DNAJB13: variants seen among roughly 807,000 people sequenced by gnomAD.
The protein encoded by DNAJB13 is dnaJ homolog subfamily B member 13.
Under a neutral mutation model 35.6 loss-of-function variants are expected in DNAJB13, and 22 were observed. The observed-to-expected ratio is 0.62, with a 90% CI of 0.44 to 0.88. The LOEUF is 0.88. DNAJB13 is among the 40% of genes least tolerant of loss of function. DNAJB13 has a pLI of 0.00. For missense variants in DNAJB13, 370 were observed against 384.3 expected (o/e 0.96, Z 0.31); for synonymous variants, 136 against 144.2 (o/e 0.94, Z 0.41).
chr11:73,968,119 T>G, intron 5 of DNAJB13: 1 of 519,362 alleles, frequency 1.9e-6, no homozygotes, highest in South Asian at 3.3e-5. Flanking sequence ...GTGTCTATTT[T>G]GGGCATGCTC....
Position 73,965,047 on chromosome 11 carries a change from G to A in DNAJB13, c.492+12G>A. 1 of 1,552,766 alleles carries A rather than the reference G, an allele frequency of 6.4e-7. No homozygotes were observed. Among genetic ancestry groups the A allele is most frequent in the Non-Finnish European group, 8.7e-7 (1 of 1,151,514 alleles). ...AGATCTCCAGAAGGGTGAGTACTCA[G>A]CTTGCTCCTCCCGGGAGCCACCTAT... is the stretch of plus-strand genomic sequence containing the variant. On this transcript the variant is annotated intron_variant, in intron 4 of 7. Coordinates refer to ENST00000339764, the MANE Select transcript of DNAJB13 (RefSeq NM_153614.4).
At chr11:73,958,133 A>G (rs755778388) in intron 1 of DNAJB13, among the ~76,000 whole-genome samples, 184 bp from the exon 2 acceptor site, 25 of 152,188 alleles carry the variant, frequency 1.6e-4, no homozygotes, top group East Asian at 7.7e-4. Context: ...CTGTCGGTCA[A>G]CTGTGCTCCC....
At chr11:73,951,899 G>A (rs569505853) in intron 1 of DNAJB13, among the ~76,000 whole-genome samples, 13 of 152,240 alleles carry the variant, frequency 8.5e-5, no homozygotes, top group Admixed American at 3.9e-4. Context: ...ACCCGCCTCA[G>A]CCTTCCCAAG....
chr11:73,965,911 T>A (rs1951101647), intron 4 of DNAJB13: 2 of 529,236 alleles, frequency 3.8e-6, no homozygotes, highest in Admixed American at 6.3e-5. Context: ...AATCATAAGT[T>A]CTTGGTTGTC....
rs538964929 is a variant in DNAJB13, at chr11:73,970,082, A to C, written c.919A>C (p.Lys307Gln). ...CCCCACCCGCCTCACACCCCAGAAG[A>C]AGCAGATGCTGCGCCAGGCATTGCT... Reference protein sequence around the residue: ...QFPTRLTPQKKQMLRQALLT With the variant: ...QFPTRLTPQKQQMLRQALLT The change falls in exon 8 of 8, where the codon AAG (lysine) becomes CAG (glutamine). Residue 307 changes from lysine to glutamine, a missense_variant. Transcript: ENST00000339764. 2.5e-4 allele frequency: 407 copies of C among 1,609,716 alleles called. 4 individuals carry two copies. The South Asian group carries it at 3.6e-3, about 14-fold the overall frequency.
chr11:73,954,883 G>A (rs1390279767), intron 1 of DNAJB13, among the ~76,000 whole-genome samples: 6 of 152,008 alleles, frequency 3.9e-5, no homozygotes, highest in Non-Finnish European at 8.8e-5. Flanking sequence ...CCTGGGAGGT[G>A]GAGGTTGCAG....
At chr11:73,959,709 G>C in intron 3 of DNAJB13, 54 bp downstream of exon 3, 3 of 1,459,278 alleles carry the variant, frequency 2.1e-6, no homozygotes, top group South Asian at 1.5e-5. Context: ...ACTGCTATAA[G>C]TGATGTTTTC....
chr11:73,961,620 C>T (rs919318975), intron 3 of DNAJB13, among the ~76,000 whole-genome samples: 1 of 152,236 alleles, frequency 6.6e-6, no homozygotes, highest in Non-Finnish European at 1.5e-5. Flanking sequence ...CCGCCTTCTT[C>T]CTGCCTCCCA....
chr11:73,963,848 G>A (rs530924378), intron 3 of DNAJB13: 1 of 152,220 alleles, frequency 6.6e-6, no homozygotes, highest in South Asian at 2.1e-4. Flanking sequence ...AGCGCCCCTC[G>A]AGTTTACAGC....
rs1554989362 is a variant in DNAJB13, at chr11:73,954,640, AAT to A, written c.68+3505_68+3506del. On this transcript the variant is annotated intron_variant, in intron 1 of 7. Transcript: ENST00000339764. ...GTGAGACTCCGTCTCAAAAAAAAAA[AAT>A]AAAATAAATAAATAAATAAATAAAT... 1.6e-3 allele frequency among the ~76,000 whole-genome samples: 189 copies of A among 121,790 alleles called. 2 individuals are homozygous for A. Among genetic ancestry groups the A allele is most frequent in the African/African-American group, 4.9e-3 (145 of 29,806 alleles). 79.9% of individuals were successfully genotyped at this position (121,790 alleles called of 152,430 possible).
In DNAJB13 at chr11:73,970,064, C is replaced by T. The variant is rs138824892; in HGVS notation, c.901C>T (p.Arg301Cys). 3.1e-5 allele frequency: 50 copies of T among 1,610,984 alleles called. No individual in the cohort carries two copies. The South Asian group carries it at 3.4e-4, about 11-fold the overall frequency. The change falls in exon 8 of 8, where the codon CGC becomes TGC. Residue 301 changes from arginine to cysteine, a missense_variant. Transcript: ENST00000339764. ...FIFFDIQFPTRLTPQKKQMLR... is the reference protein window; with the variant it reads ...FIFFDIQFPTCLTPQKKQMLR... ...CTTCTTCGACATCCAGTTCCCCACC[C>T]GCCTCACACCCCAGAAGAAGCAGAT...
At chr11:73,965,079 C>T (rs766593833) in intron 4 of DNAJB13, 44 bp downstream of exon 4, 1 of 1,521,386 alleles carries the variant, frequency 6.6e-7, no homozygotes, top group South Asian at 1.3e-5. Context: ...CTATCTCCTG[C>T]AGCCTAGCAG....
intron 3 of DNAJB13, among the ~76,000 whole-genome samples, chr11:73,962,650 AC>A (rs1281337132): frequency 2.6e-5 from 4 of 152,096 alleles, no homozygotes; most frequent in Non-Finnish European, 5.9e-5. Flanking sequence ...TAGATTTTTC[AC>A]TGCCTGTTTT....
chr11:73,961,725 C>G (rs943617111), intron 3 of DNAJB13, among the ~76,000 whole-genome samples: 2 of 152,214 alleles, frequency 1.3e-5, no homozygotes, highest in South Asian at 4.1e-4. Flanking sequence ...TACAGATTCT[C>G]TAGCAGGGAA....
chr11:73,958,390 AT>A lies in DNAJB13; in HGVS notation c.143del (p.Ile48LysfsTer8), dbSNP rs770446491. 6.2e-7 allele frequency: 1 copy of A among 1,614,114 alleles called. No homozygotes were observed. Among genetic ancestry groups the A allele is most frequent in the South Asian group, 1.1e-5 (1 of 91,080 alleles). On this transcript the variant is annotated frameshift_variant, in exon 2 of 8. Coordinates refer to ENST00000339764, the MANE Select transcript of DNAJB13 (RefSeq NM_153614.4). LOFTEE classifies it high-confidence loss of function. Reference protein sequence around the residue: ...EPSSAEIFRQIAEAYDVLSDP... With the variant: ...EPSSAEIFRQXAEAYDVLSDP... ...GTCTTCAGCAGAGATTTTCAGGCAAATAGCAGAGGCCTACGACGTGCTGAGT... is the reference window on the plus strand; with the variant it reads ...GTCTTCAGCAGAGATTTTCAGGCAAAAGCAGAGGCCTACGACGTGCTGAGT...
intron 3 of DNAJB13, among the ~76,000 whole-genome samples, chr11:73,960,178 TTTTTTA>T (rs1950889983): frequency 6.6e-6 from 1 of 151,810 alleles, no homozygotes; most frequent in Admixed American, 6.6e-5. Flanking sequence ...TCTTTCTTTC[TTTTTTA>T]TTTTTATTTT....
At chr11:73,962,410 T>A (rs992958282) in intron 3 of DNAJB13, among the ~76,000 whole-genome samples, 1 of 1,280 alleles carries the variant, frequency 7.8e-4, no homozygotes, top group African/African-American at 2.6e-3. Context: ...ACATGGTGGG[T>A]GGGTGGGTGG....
intron 1 of DNAJB13, among the ~76,000 whole-genome samples, chr11:73,957,854 A>C (rs1950799934): frequency 6.6e-6 from 1 of 152,214 alleles, no homozygotes; most frequent in African/African-American, 2.4e-5. Flanking sequence ...GAAACCGTGA[A>C]GTATGAAGGG....
intron 1 of DNAJB13, among the ~76,000 whole-genome samples, chr11:73,955,951 G>T (rs1314095399): frequency 3.3e-5 from 5 of 152,034 alleles, no homozygotes; most frequent in African/African-American, 1.2e-4. Flanking sequence ...GGATGGAGGG[G>T]CAGTTGCAGG....
Sources: gnomAD v4.1 joint callset for allele counts (sites outside exome capture counted in the v4.1 genomes callset) on GRCh38, gnomAD v4.1.1 for gene constraint, MANE v1.5 for transcripts, NCBI Gene and HGNC (gene_info 2026-07-23, HGNC 2026-07-21) for gene names.